Variants in GPLD1 observed in about 807,000 individuals in gnomAD.
GPLD1 encodes phosphatidylinositol-glycan-specific phospholipase D.
Under a neutral mutation model 112.6 loss-of-function variants are expected in GPLD1, and 84 were observed. The ratio of observed to expected loss-of-function variants is 0.75; its 90% CI spans 0.63 to 0.89. The LOEUF (loss-of-function observed/expected upper bound fraction) is 0.89, where lower values mean the gene tolerates loss of function less well. Among genes scored for constraint, GPLD1 ranks in the 40% least tolerant of loss-of-function variants. GPLD1 has a pLI of 0.00. For missense variants in GPLD1, 1,044 were observed against 1,051.5 expected, an observed-to-expected ratio of 0.99 and a Z score of 0.10; for synonymous variants, 386 against 403.8, an observed-to-expected ratio of 0.96 and a Z score of 0.53.
intron 13 of GPLD1, among the ~76,000 whole-genome samples, 158 bp from the exon 14 acceptor site, chr6:24,454,359 T>C (rs1763199231): frequency 6.6e-6 from 1 of 152,244 alleles, no homozygotes. Flanking sequence ...CAGGTTGTAT[T>C]GTTAGTGTGA....
intron 1 of GPLD1, chr6:24,494,863 A>G: frequency 9.5e-7 from 1 of 1,052,184 alleles, no homozygotes; most frequent in African/African-American, 1.7e-5. Flanking sequence ...GTGGCTCTGC[A>G]ACCTTCCGCC....
chr6:24,485,546 A>C (rs114641741), intron 2 of GPLD1, among the ~76,000 whole-genome samples: 5,644 of 152,284 alleles, frequency 0.037, 146 homozygotes, highest in Non-Finnish European at 0.06. Flanking sequence ...TGATATATAT[A>C]AGATACCTAT....
In GPLD1 at chr6:24,472,565, A is replaced by T. The variant is rs1292689375; in HGVS notation, c.545+17T>A. On this transcript the variant is annotated intron_variant, in intron 7 of 24. Coordinates refer to ENST00000230036, the MANE Select transcript of GPLD1 (RefSeq NM_001503.4). Reference sequence around the variant, plus strand: ...TGCCACTTAGATACCACATATTTAGATGTACATTGCTCTTACCAGCGTCGT... The same window carrying T: ...TGCCACTTAGATACCACATATTTAGTTGTACATTGCTCTTACCAGCGTCGT... The T allele has an allele frequency of 6.8e-7, 1 of 1,476,116 alleles. No homozygotes were observed. The highest frequency in any genetic ancestry group is 9.5e-7 in the Non-Finnish European group (1 of 1,056,034). 91.4% of individuals were successfully genotyped at this position (1,476,116 alleles called of 1,614,324 possible).
chr6:24,476,781 T>A (rs949932227), intron 3 of GPLD1, among the ~76,000 whole-genome samples: 2 of 152,164 alleles, frequency 1.3e-5, no homozygotes, highest in Non-Finnish European at 2.9e-5. Context: ...AGTGAGCATT[T>A]TATGCAAGTG....
At chr6:24,447,293 G>A (rs375817549) in intron 17 of GPLD1, among the ~76,000 whole-genome samples, 1 of 152,090 alleles carries the variant, frequency 6.6e-6, no homozygotes, top group Non-Finnish European at 1.5e-5. Flanking sequence ...ATCACCAGAG[G>A]TCAGGAGTTC....
chr6:24,439,206 C>G (rs1762671942), intron 20 of GPLD1, among the ~76,000 whole-genome samples: 1 of 152,122 alleles, frequency 6.6e-6, no homozygotes, highest in Admixed American at 6.5e-5. Flanking sequence ...AAGAGGATAC[C>G]TGAGGCTTCT....
upstream of GPLD1, among the ~76,000 whole-genome samples, chr6:24,490,884 G>C (rs999715351): frequency 6.6e-6 from 1 of 152,130 alleles, no homozygotes; most frequent in Non-Finnish European, 1.5e-5. Context: ...GCTACCCCCA[G>C]ACCTGAGGGG....
chr6:24,482,162 T>C (rs1013008241), intron 2 of GPLD1, among the ~76,000 whole-genome samples: 1 of 146,912 alleles, frequency 6.8e-6, no homozygotes, highest in African/African-American at 2.5e-5. Flanking sequence ...TGCAGTGGCG[T>C]GATCTCAGCT....
At chr6:24,430,011 A>G (rs944155236) in intron 24 of GPLD1, among the ~76,000 whole-genome samples, 4 of 149,202 alleles carry the variant, frequency 2.7e-5, no homozygotes, top group African/African-American at 7.3e-5. Context: ...TTCTTATTTA[A>G]TTTTGAAAAC....
chr6:24,429,504 C>A (rs1762336040), intron 24 of GPLD1, among the ~76,000 whole-genome samples: 1 of 152,122 alleles, frequency 6.6e-6, no homozygotes, highest in African/African-American at 2.4e-5. Context: ...CATTTTAGGA[C>A]CCATCTTTCA....
At chr6:24,447,194 G>A (rs993197859) in intron 17 of GPLD1, among the ~76,000 whole-genome samples, 1 of 152,094 alleles carries the variant, frequency 6.6e-6, no homozygotes, top group East Asian at 1.9e-4. Flanking sequence ...CACTTCTGTG[G>A]AGCAGAGGAT....
Position 24,429,129 on chromosome 6 carries a change from C to G in GPLD1, c.2437-11G>C. On this transcript the variant is annotated splice_polypyrimidine_tract_variant and intron_variant, in intron 24 of 24. Transcript: ENST00000230036. ...AATGACGACTTGGTTCTGTAAGGGA[C>G]ACAAGACAGAATTCATGGCTCATTC... is the stretch of plus-strand genomic sequence containing the variant. The G allele has an allele frequency of 6.3e-7, 1 of 1,586,350 alleles. No individual in the cohort carries two copies. Among genetic ancestry groups the G allele is most frequent in the Non-Finnish European group, 8.7e-7 (1 of 1,155,324 alleles).
At chr6:24,447,807 C>A in intron 17 of GPLD1, 70 bp downstream of exon 17, 3 of 1,394,194 alleles carry the variant, frequency 2.2e-6, no homozygotes, top group South Asian at 1.2e-5. Context: ...GATATAAACC[C>A]CTATGCAGGA....
At chr6:24,481,452 GT>G (rs1273961764) in intron 2 of GPLD1, among the ~76,000 whole-genome samples, 1 of 151,826 alleles carries the variant, frequency 6.6e-6, no homozygotes, top group African/African-American at 2.4e-5. Flanking sequence ...GTATCATCTG[GT>G]TTTTGGTTTT....
chr6:24,442,078 A>G (rs1244814108), intron 20 of GPLD1, among the ~76,000 whole-genome samples: 1 of 149,442 alleles, frequency 6.7e-6, no homozygotes, highest in South Asian at 2.1e-4. Context: ...ATAAATTAGC[A>G]TATTATATAC....
chr6:24,476,419 A>G, intron 3 of GPLD1, 141 bp from the exon 4 acceptor site: 1 of 593,568 alleles, frequency 1.7e-6, no homozygotes, highest in Non-Finnish European at 3.0e-6. Flanking sequence ...TCGACTTTCA[A>G]AAGAAGCCTC....
intron 3 of GPLD1, 105 bp from the exon 4 acceptor site, chr6:24,476,383 C>T (rs961454086): frequency 1.6e-6 from 1 of 628,778 alleles, no homozygotes; most frequent in Admixed American, 2.7e-5. Context: ...TCTCCTCCTT[C>T]CCTCCATGCC....
intron 21 of GPLD1, 81 bp downstream of exon 21, chr6:24,437,032 A>G (rs1762600602): frequency 8.0e-7 from 1 of 1,243,708 alleles, no homozygotes; most frequent in African/African-American, 1.5e-5. Flanking sequence ...ATAAGGGCAG[A>G]GCCCAGATGA....
At chr6:24,436,546 A>C in intron 22 of GPLD1, 30 bp downstream of exon 22, 1 of 1,594,568 alleles carries the variant, frequency 6.3e-7, no homozygotes, top group Non-Finnish European at 8.6e-7. Context: ...TCCTTTCCCA[A>C]TAAGTTATAG....
Sources: allele counts gnomAD v4.1 joint callset (sites outside exome capture counted in the v4.1 genomes callset), GRCh38; gene constraint gnomAD v4.1.1; transcripts MANE v1.5; gene names NCBI Gene and HGNC (gene_info 2026-07-23, HGNC 2026-07-21).